STX18: variants seen among roughly 807,000 people sequenced by gnomAD.
The protein encoded by STX18 is syntaxin 18.
STX18 carries 40 observed loss-of-function variants against 50.1 expected under a neutral mutation model. The ratio of observed to expected loss-of-function variants is 0.80; its 90% CI spans 0.62 to 1.04. The LOEUF is 1.04. Ranked by LOEUF, STX18 falls within the 50% of genes least tolerant of loss-of-function variation. STX18 has a pLI of 0.00. For synonymous variants in STX18, 158 were observed against 151.8 expected, an observed-to-expected ratio of 1.04 and a Z score of -0.30; for missense variants, 410 against 415.8, an observed-to-expected ratio of 0.99 and a Z score of 0.12.
chr4:4,447,675 T>C (rs937035247), intron 5 of STX18, among the ~76,000 whole-genome samples: 1 of 147,836 alleles, frequency 6.8e-6, no homozygotes, highest in Admixed American at 6.7e-5. Flanking sequence ...TACTGCTTTA[T>C]ATGTAAGTGC....
Position 4,541,989 on chromosome 4 carries a change from A to G in STX18, c.-25T>C, listed in dbSNP as rs1429435796. The G allele has an allele frequency of 2.6e-6, 4 of 1,561,314 alleles. No homozygotes were observed. Among genetic ancestry groups the G allele is most frequent in the Non-Finnish European group, 3.5e-6 (4 of 1,153,594 alleles). On this transcript the variant is annotated 5_prime_UTR_variant, in exon 1 of 11. Transcript: ENST00000306200. ...TAGCGACCCGCACCCTCAGCCCCAC[A>G]CTAGGCCCGCCCACGTAAGCAGCCG... is the stretch of plus-strand genomic sequence containing the variant.
At chr4:4,473,613 T>C (rs1260858251) in intron 1 of STX18, among the ~76,000 whole-genome samples, 4 of 152,118 alleles carry the variant, frequency 2.6e-5, no homozygotes, top group Admixed American at 2.0e-4. Flanking sequence ...CTTTTAAGTC[T>C]GTTGGGAAAA....
At chr4:4,515,840 A>G (rs1012198269) in intron 1 of STX18, among the ~76,000 whole-genome samples, 1 of 151,108 alleles carries the variant, frequency 6.6e-6, no homozygotes, top group East Asian at 1.9e-4. Flanking sequence ...CCCCTCCCCA[A>G]CCCCATGCAG....
At chr4:4,526,653 T>G (rs1200581128) in intron 1 of STX18, among the ~76,000 whole-genome samples, 3 of 152,166 alleles carry the variant, frequency 2.0e-5, no homozygotes, top group Non-Finnish European at 1.5e-5. Context: ...CTGGTTGAAC[T>G]GTACCAAGTA....
chr4:4,523,234 C>T (rs968440471), intron 1 of STX18, among the ~76,000 whole-genome samples: 5 of 152,198 alleles, frequency 3.3e-5, no homozygotes, highest in East Asian at 1.9e-4. Context: ...CACAGGCCTA[C>T]GTTCTCCATA....
intron 2 of STX18, among the ~76,000 whole-genome samples, chr4:4,460,814 T>C (rs1484091762): frequency 1.3e-5 from 2 of 151,974 alleles, no homozygotes; most frequent in African/African-American, 4.8e-5. Flanking sequence ...GACCCAACAG[T>C]GAGACAAAGG....
chr4:4,479,746 T>TA (rs1728365831), intron 1 of STX18, among the ~76,000 whole-genome samples: 3 of 152,164 alleles, frequency 2.0e-5, no homozygotes, highest in Admixed American at 1.3e-4. Context: ...CCAAATTCAT[T>TA]ATAAAACAGC....
chr4:4,511,738 GT>G (rs1730015842), intron 1 of STX18, among the ~76,000 whole-genome samples: 3 of 150,704 alleles, frequency 2.0e-5, no homozygotes, highest in Admixed American at 6.6e-5. Context: ...GTGTGTGTGT[GT>G]GTGTGTGTGT....
At chr4:4,506,665 A>G (rs1406871063) in intron 1 of STX18, among the ~76,000 whole-genome samples, 1 of 152,208 alleles carries the variant, frequency 6.6e-6, no homozygotes, top group Non-Finnish European at 1.5e-5. Flanking sequence ...AACCAAGGAT[A>G]GCATTGAACT....
At chr4:4,444,737 T>G (rs7699727) in intron 5 of STX18, among the ~76,000 whole-genome samples, 47,241 of 152,172 alleles carry the variant, frequency 0.31, 9,260 homozygotes, top group African/African-American at 0.56. Flanking sequence ...GAAAGGAAAT[T>G]TCCTTAACCT....
At chr4:4,428,102 G>A (rs1477949060) in intron 7 of STX18, among the ~76,000 whole-genome samples, 1 of 152,258 alleles carries the variant, frequency 6.6e-6, no homozygotes. Flanking sequence ...CCAGGTTTCA[G>A]TATGGCTTCC....
chr4:4,422,298 G>C (rs1003211579), intron 9 of STX18, among the ~76,000 whole-genome samples: 1 of 152,260 alleles, frequency 6.6e-6, no homozygotes, highest in African/African-American at 2.4e-5. Flanking sequence ...CGGGCGCAGT[G>C]GCTCTCGTCT....
At chr4:4,505,920 A>G (rs1035118271) in intron 1 of STX18, among the ~76,000 whole-genome samples, 5 of 152,270 alleles carry the variant, frequency 3.3e-5, no homozygotes, top group African/African-American at 1.2e-4. Flanking sequence ...GACTTATGCA[A>G]TAAGTGGCCC....
chr4:4,455,377 A>G lies in STX18; in HGVS notation c.497+1814T>C, dbSNP rs553559829. Among the ~76,000 whole-genome samples the G allele has an allele frequency of 1.2e-3, 180 of 152,230 alleles. 1 individual carries two copies. The highest frequency in any genetic ancestry group is 2.1e-3 in the Non-Finnish European group (143 of 68,044). On this transcript the variant is annotated intron_variant, in intron 5 of 10. Coordinates refer to ENST00000306200, the MANE Select transcript of STX18 (RefSeq NM_016930.4). ...AGATAACTTGACTGATCTGCTTACT[A>G]TCTTCCACAAATGCTTCTATTTGTT...
At chr4:4,453,035 G>A (rs552720049) in intron 5 of STX18, among the ~76,000 whole-genome samples, 16 of 152,318 alleles carry the variant, frequency 1.1e-4, no homozygotes, top group Admixed American at 9.2e-4. Context: ...CACTTGAATG[G>A]ATAGAAGCTG....
chr4:4,493,585 C>T (rs541969246), intron 1 of STX18, among the ~76,000 whole-genome samples: 1 of 152,174 alleles, frequency 6.6e-6, no homozygotes, highest in Non-Finnish European at 1.5e-5. Context: ...GTAGGCTGCA[C>T]ACTTCCACAG....
At chr4:4,501,625 G>T (rs572933551) in intron 1 of STX18, among the ~76,000 whole-genome samples, 1 of 152,154 alleles carries the variant, frequency 6.6e-6, no homozygotes, top group Admixed American at 6.5e-5. Context: ...GACACCGAGT[G>T]TTTGGGATCA....
rs1724855213 is a variant in STX18 at position 4,420,188 on chromosome 4, C to T, written c.913-59G>A. 2.2e-6 allele frequency: 3 copies of T among 1,372,236 alleles called. No individual in the cohort carries two copies. The Admixed American group carries it at 5.9e-5, about 27-fold the overall frequency. 85.0% of individuals were successfully genotyped at this position (1,372,236 alleles called of 1,614,324 possible). Reference sequence around the variant, plus strand: ...ACACAGGATTTTGGTTTGAGCAGCCCTGAAATGCCCCCCTCTTCCCACGTG... The same window carrying T: ...ACACAGGATTTTGGTTTGAGCAGCCTTGAAATGCCCCCCTCTTCCCACGTG... On this transcript the variant is annotated intron_variant, in intron 10 of 10. Transcript: ENST00000306200. This position sits in a 1 kb window ranked among gnomAD's most constrained non-coding sequence, Gnocchi z 4.3.
chr4:4,506,439 T>A (rs1729710120), intron 1 of STX18, among the ~76,000 whole-genome samples: 2 of 152,212 alleles, frequency 1.3e-5, no homozygotes, highest in African/African-American at 2.4e-5. Flanking sequence ...TTTCAAAGGG[T>A]ATATATGATC....
Sources: allele counts gnomAD v4.1 joint callset (sites outside exome capture counted in the v4.1 genomes callset), GRCh38; gene constraint gnomAD v4.1.1; non-coding constraint Gnocchi (gnomAD v3.1); transcripts MANE v1.5; gene names NCBI Gene and HGNC (gene_info 2026-07-23, HGNC 2026-07-21).